The following THTPA variants were observed in gnomAD, a reference collection of about 807,000 sequenced individuals.
The protein encoded by THTPA is thiamine-triphosphatase.
A neutral mutation model predicts 16.5 loss-of-function variants in THTPA; 16 were observed. The observed-to-expected ratio is 0.97, with a 90% CI of 0.66 to 1.47. THTPA has a LOEUF of 1.47. THTPA is among the 40% of genes most tolerant of loss of function. The pLI, the probability that THTPA is intolerant of heterozygous loss-of-function variation, is 0.00. For synonymous variants in THTPA, 110 were observed against 115.5 expected, an observed-to-expected ratio of 0.95 and a Z score of 0.30; for missense variants, 281 against 280.9, an observed-to-expected ratio of 1.00 and a Z score of 0.00.
upstream of THTPA, among the ~76,000 whole-genome samples, chr14:23,553,483 C>T (rs1449139482): frequency 6.6e-6 from 1 of 152,070 alleles, no homozygotes; most frequent in Non-Finnish European, 1.5e-5. Flanking sequence ...CCTGTAATCC[C>T]AGCTACTCGG....
At chr14:23,529,816 A>G in the THTPA span, 2 of 1,518,158 alleles carry the variant, frequency 1.3e-6, no homozygotes, top group East Asian at 2.5e-5. Context: ...AGCCCTCAAG[A>G]TGATTTGTAG....
chr14:23,528,944 G>A, the THTPA span: 68 of 591,926 alleles, frequency 1.1e-4, no homozygotes, highest in African/African-American at 1.2e-3. Context: ...TCATCTTAAC[G>A]CACCTAGCCC....
chr14:23,551,665 CCTCCTCCTT>C (rs1446399168), upstream of THTPA: 1 of 155,096 alleles, frequency 6.4e-6, no homozygotes, highest in Non-Finnish European at 1.4e-5. The surrounding 1 kb of genome is among the most constrained non-coding windows in gnomAD (Gnocchi z 5.3). Context: ...TCCTCCTCCT[CCTCCTCCTT>C]CTCCTCCTCG....
chr14:23,533,143 A>T, the THTPA span: 1 of 1,463,878 alleles, frequency 6.8e-7, no homozygotes, highest in Non-Finnish European at 9.0e-7. This position sits in a 1 kb window ranked among gnomAD's most constrained non-coding sequence, Gnocchi z 4.8. Context: ...TTGGTTCTCT[A>T]TGTGGGGAGG....
chr14:23,521,998 T>G, the THTPA span: 2 of 1,536,288 alleles, frequency 1.3e-6, no homozygotes, highest in Non-Finnish European at 8.7e-7. Context: ...TCGTAGTTTT[T>G]GGGTTGGAGT....
chr14:23,558,110 C>T (rs1392577206), intron 1 of THTPA, among the ~76,000 whole-genome samples: 1 of 152,236 alleles, frequency 6.6e-6, no homozygotes, highest in Non-Finnish European at 1.5e-5. Flanking sequence ...TTTGAGCCCC[C>T]TCAGCAAACA....
At chr14:23,533,748 A>G in the THTPA span, 2 of 1,556,426 alleles carry the variant, frequency 1.3e-6, no homozygotes, top group Non-Finnish European at 1.7e-6. The surrounding 1 kb of genome is among the most constrained non-coding windows in gnomAD (Gnocchi z 4.8). Context: ...CAGACTGCAT[A>G]TGGATGCTGA....
chr14:23,525,946 C>T, the THTPA span: 15 of 1,483,878 alleles, frequency 1.0e-5, no homozygotes, highest in Non-Finnish European at 1.3e-5. This position sits in a 1 kb window ranked among gnomAD's most constrained non-coding sequence, Gnocchi z 5.9. Flanking sequence ...GGAATCGGTG[C>T]AGGTCCAAGG....
the THTPA span, chr14:23,534,892 C>T: frequency 1.3e-6 from 2 of 1,536,110 alleles, no homozygotes; most frequent in Non-Finnish European, 1.7e-6. The surrounding 1 kb of genome is among the most constrained non-coding windows in gnomAD (Gnocchi z 4.5). Context: ...GCCCGCCTCA[C>T]CCCAGGGGAA....
chr14:23,547,429 A>G, the THTPA span, among the ~76,000 whole-genome samples: 4 of 152,226 alleles, frequency 2.6e-5, no homozygotes, highest in South Asian at 4.1e-4. Flanking sequence ...TTTAATTCAC[A>G]TTTGCCAACT....
the THTPA span, chr14:23,548,260 C>T: frequency 6.6e-6 from 1 of 152,288 alleles, no homozygotes; most frequent in Middle Eastern, 3.2e-3. Context: ...GTTCCTTCCT[C>T]TTGCTACTGT....
upstream of THTPA, among the ~76,000 whole-genome samples, chr14:23,552,211 C>A (rs184169019): frequency 2.1e-3 from 320 of 152,114 alleles, 3 homozygotes; most frequent in African/African-American, 7.4e-3. Flanking sequence ...CACACGGTTA[C>A]ATAGTCCCCT....
the THTPA span, chr14:23,521,701 G>A: frequency 1.9e-6 from 1 of 519,494 alleles, no homozygotes; most frequent in East Asian, 3.5e-5. Context: ...ATGGGTGTAT[G>A]TGTCTGTGAA....
the THTPA span, chr14:23,524,163 G>A: frequency 1.3e-6 from 2 of 1,536,060 alleles, no homozygotes; most frequent in East Asian, 2.4e-5. This position sits in a 1 kb window ranked among gnomAD's most constrained non-coding sequence, Gnocchi z 5.6. Context: ...TTCACTGCTG[G>A]ACTAGGCACC....
At chr14:23,523,619 ACT>A in the THTPA span, 2 of 1,557,424 alleles carry the variant, frequency 1.3e-6, no homozygotes, top group Non-Finnish European at 1.7e-6. This position sits in a 1 kb window ranked among gnomAD's most constrained non-coding sequence, Gnocchi z 4.1. Context: ...GACCTGGATG[ACT>A]CTCTTGGGCA....
chr14:23,524,749 A>G, the THTPA span: 1 of 1,536,388 alleles, frequency 6.5e-7, no homozygotes, highest in South Asian at 1.2e-5. The surrounding 1 kb of genome is among the most constrained non-coding windows in gnomAD (Gnocchi z 5.6). Context: ...ATGGGCCCTC[A>G]GGCCCTGCTG....
At chr14:23,532,056 G>A in the THTPA span, 12 of 190,410 alleles carry the variant, frequency 6.3e-5, no homozygotes, top group East Asian at 5.1e-4. Context: ...GACTACAGGC[G>A]TGAGCCACCG....
chr14:23,514,195 G>A, the THTPA span: 6 of 152,392 alleles, frequency 3.9e-5, no homozygotes, highest in African/African-American at 1.4e-4. Flanking sequence ...GAAACATTTC[G>A]GGAGGTGGGG....
chr14:23,529,800 C>G, the THTPA span: 2 of 1,529,198 alleles, frequency 1.3e-6, no homozygotes, highest in Non-Finnish European at 8.8e-7. Context: ...ATTAAGGAAC[C>G]CTGACAGCCC....
Sources: gnomAD v4.1 joint callset for allele counts (sites outside exome capture counted in the v4.1 genomes callset) on GRCh38, gnomAD v4.1.1 for gene constraint, Gnocchi (gnomAD v3.1) non-coding constraint, MANE v1.5 for transcripts, NCBI Gene and HGNC (gene_info 2026-07-23, HGNC 2026-07-21) for gene names.